Variants in SSPN observed in about 807,000 individuals in gnomAD.
SSPN encodes the protein K-ras oncogene-associated protein.
In SSPN, 15 loss-of-function variants were observed where a neutral mutation model predicts 19.1. The ratio of observed to expected loss-of-function variants is 0.78; its 90% CI spans 0.52 to 1.21. The LOEUF is 1.21. SSPN is among the 50% of genes most tolerant of loss of function. The pLI is 0.00. For missense variants in SSPN, 291 were observed against 314.0 expected, an observed-to-expected ratio of 0.93 and a Z score of 0.55; for synonymous variants, 147 against 140.3, an observed-to-expected ratio of 1.05 and a Z score of -0.34.
chr12:26,123,399 G>A (rs1944332742), intron 1 of SSPN, among the ~76,000 whole-genome samples: 1 of 152,204 alleles, frequency 6.6e-6, no homozygotes, highest in Non-Finnish European at 1.5e-5. Flanking sequence ...AGTGGAGCGG[G>A]TGCAACCGCC....
rs1944401978 is a variant in SSPN, at chr12:26,132,402, A to C, written c.-31+10250A>C. Among the ~76,000 whole-genome samples, 4 of 152,178 alleles carry C rather than the reference A, an allele frequency of 2.6e-5. 1 individual carries two copies. In the South Asian group the frequency reaches 8.3e-4, roughly 32 times the overall value. ...AGAGAAAAGATCACTAAGAAAGTGG[A>C]ATAATTATCCTAAAGCCATTTTATG... On this transcript the variant is annotated intron_variant, in intron 1 of 2. Coordinates refer to the SSPN transcript ENST00000538142.
intron 1 of SSPN, 31 bp from the exon 2 acceptor site, chr12:26,224,262 A>G (rs1331177136): frequency 1.3e-6 from 2 of 1,527,822 alleles, no homozygotes; most frequent in East Asian, 2.2e-5. Context: ...GTACCCTGAT[A>G]ACATCCTTTC....
In SSPN at chr12:26,233,331, G is replaced by GATATATATATATATATATATATAT. The variant is rs10547333; in HGVS notation, c.*2274_*2275insTATATATATATATATATATATATA. ...CTTTATAATAGTATAACCGTCAGGAGATATATATATATATATATACACATA... is the reference window on the plus strand; with the variant it reads ...CTTTATAATAGTATAACCGTCAGGAGATATATATATATATATATATATATATATATATATATATATATACACATA... On this transcript the variant is annotated 3_prime_UTR_variant, in exon 3 of 3. Transcript: ENST00000242729. The surrounding 1 kb of genome is among the most constrained non-coding windows in gnomAD (Gnocchi z 4.3). The GATATATATATATATATATATATAT allele has an allele frequency of 3.2e-3, 463 of 144,412 alleles. 1 individual carries two copies. Among genetic ancestry groups the GATATATATATATATATATATATAT allele is most frequent in the African/African-American group, 0.011 (407 of 36,384 alleles). The allele number at this position is 144,412 out of a possible 1,614,324, so 8.9% of individuals were successfully genotyped here. A position where few individuals can be genotyped will look rare whatever the true frequency, so the allele number is the denominator to read the frequency against.
chr12:26,122,789 G>A (rs1445485414), intron 1 of SSPN: 2 of 1,589,668 alleles, frequency 1.3e-6, no homozygotes, highest in East Asian at 2.3e-5. Flanking sequence ...CTTCGCCGCC[G>A]TAGCCGCTGT....
At chr12:26,123,632 T>G (rs1187040036) in intron 1 of SSPN, 1 of 1,610,712 alleles carries the variant, frequency 6.2e-7, no homozygotes, top group African/African-American at 1.3e-5. Flanking sequence ...TGACTTACCA[T>G]TCTGTAAAGC....
Position 26,232,292 on chromosome 12 carries a change from A to T in SSPN, c.*1216A>T, listed in dbSNP as rs750740196. The T allele has an allele frequency of 1.9e-4, 191 of 985,278 alleles. No individual in the cohort carries two copies. Among genetic ancestry groups the T allele is most frequent in the Non-Finnish European group, 2.2e-4 (182 of 829,916 alleles). The allele number at this position is 985,278 out of a possible 1,614,324, so 61.0% of individuals were successfully genotyped here. ...TTTGAGCAATATGGCCTTGACTTGG[A>T]GGGTAGTTTTAGTTGTTTTGTTTTT... On this transcript the variant is annotated 3_prime_UTR_variant, in exon 3 of 3. Transcript: ENST00000242729.
intron 1 of SSPN, among the ~76,000 whole-genome samples, chr12:26,184,511 G>C (rs1944739699): frequency 6.6e-6 from 1 of 152,204 alleles, no homozygotes; most frequent in Non-Finnish European, 1.5e-5. Flanking sequence ...GCTTGGGATA[G>C]ACCCTTAGGC....
At chr12:26,136,867 C>A (rs1215129300) in intron 1 of SSPN, among the ~76,000 whole-genome samples, 2 of 152,214 alleles carry the variant, frequency 1.3e-5, no homozygotes, top group African/African-American at 4.8e-5. Context: ...AGAGCTGTCA[C>A]ATAGTTCCAC....
At chr12:26,177,414 G>A (rs1944691129) in intron 1 of SSPN, among the ~76,000 whole-genome samples, 1 of 152,174 alleles carries the variant, frequency 6.6e-6, no homozygotes. Context: ...GCTTAGAGGT[G>A]TAACCTTGAA....
chr12:26,195,172 T>C (rs1457271219), upstream of SSPN, among the ~76,000 whole-genome samples: 1 of 152,236 alleles, frequency 6.6e-6, no homozygotes, highest in Non-Finnish European at 1.5e-5. Context: ...ACTTAACTTC[T>C]GGAAATGACT....
At chr12:26,211,659 G>A (rs1203559192) in intron 1 of SSPN, 3 of 152,134 alleles carry the variant, frequency 2.0e-5, no homozygotes, top group Non-Finnish European at 4.4e-5. Context: ...CCATTGGGTG[G>A]TTTTCTAATA....
At chr12:26,210,773 A>C (rs1161892337) in intron 1 of SSPN, among the ~76,000 whole-genome samples, 1 of 152,146 alleles carries the variant, frequency 6.6e-6, no homozygotes, top group Non-Finnish European at 1.5e-5. Context: ...AGCATTTTAC[A>C]GTGTTTTATA....
intron 1 of SSPN, chr12:26,211,774 C>G (rs1944988962): frequency 6.6e-6 from 1 of 152,218 alleles, no homozygotes; most frequent in Non-Finnish European, 1.5e-5. Context: ...CCCACTCTTT[C>G]TGTGCTTGGA....
intron 1 of SSPN, among the ~76,000 whole-genome samples, chr12:26,131,078 T>C (rs1326973527): frequency 6.6e-6 from 1 of 152,202 alleles, no homozygotes; most frequent in Non-Finnish European, 1.5e-5. Context: ...TAAAAGGAAA[T>C]GGCTTGTCCA....
In SSPN at chr12:26,201,023, A is replaced by AT. The variant is rs1193970441; in HGVS notation, c.279+5073dup. Among the ~76,000 whole-genome samples the AT allele has an allele frequency of 1.1e-3, 38 of 33,452 alleles. 2 individuals are homozygous for AT. Among genetic ancestry groups the AT allele is most frequent in the East Asian group, 2.5e-3 (2 of 796 alleles). The allele number at this position is 33,452 out of a possible 152,430, so 21.9% of individuals were successfully genotyped here. On this transcript the variant is annotated intron_variant, in intron 1 of 2. Coordinates refer to ENST00000242729, the MANE Select transcript of SSPN (RefSeq NM_005086.5). Reference sequence around the variant, plus strand: ...GAAGTTAATTTGTGTATATATATATATATATATATATATATATATATATTA... The same window carrying AT: ...GAAGTTAATTTGTGTATATATATATATTATATATATATATATATATATATTA...
rs558173674 is a variant in SSPN at position 26,122,141 on chromosome 12, G to C, written c.-42G>C. ...CCGGGTTCCCCGGCTCGCGGGGCCC[G>C]GCGAAGGGCAGGTGGGTGCGGCCGT... is the stretch of plus-strand genomic sequence containing the variant. On this transcript the variant is annotated 5_prime_UTR_variant, in exon 1 of 3. Transcript: ENST00000538142. 5 of 1,548,680 alleles carry C rather than the reference G, an allele frequency of 3.2e-6. No homozygotes were observed. In the Admixed American group the frequency reaches 7.9e-5, roughly 24 times the overall value.
intron 1 of SSPN, among the ~76,000 whole-genome samples, chr12:26,143,644 C>T (rs1944473089): frequency 6.6e-6 from 1 of 152,100 alleles, no homozygotes; most frequent in Non-Finnish European, 1.5e-5. Flanking sequence ...ATTTAATTGC[C>T]AGTAATCAGG....
chr12:26,160,583 G>C (rs1048659671), intron 1 of SSPN, among the ~76,000 whole-genome samples: 1 of 152,210 alleles, frequency 6.6e-6, no homozygotes, highest in Non-Finnish European at 1.5e-5. Flanking sequence ...AATATACGTG[G>C]AGTGTGTGAA....
At chr12:26,213,594 T>C (rs1396456750) in intron 1 of SSPN, among the ~76,000 whole-genome samples, 1 of 152,086 alleles carries the variant, frequency 6.6e-6, no homozygotes, top group Non-Finnish European at 1.5e-5. Flanking sequence ...TGTCTATGAA[T>C]CCTGTGAATT....
Sources: gnomAD v4.1 joint callset for allele counts (sites outside exome capture counted in the v4.1 genomes callset) on GRCh38, gnomAD v4.1.1 for gene constraint, Gnocchi (gnomAD v3.1) non-coding constraint, MANE v1.5 for transcripts, NCBI Gene and HGNC (gene_info 2026-07-23, HGNC 2026-07-21) for gene names.